The following FRMD4A variants were observed in gnomAD, a reference collection of about 807,000 sequenced individuals.
The protein encoded by FRMD4A is FERM domain-containing protein 4A.
In FRMD4A, 29 loss-of-function variants were observed where a neutral mutation model predicts 129.1. That is an observed-to-expected ratio of 0.22 (90% CI 0.17 to 0.31). The LOEUF (loss-of-function observed/expected upper bound fraction) is 0.31. FRMD4A is among the 10% of genes least tolerant of loss of function. FRMD4A has a pLI of 1.00. For missense variants in FRMD4A, 1,272 were observed against 1,375.8 expected, an observed-to-expected ratio of 0.92 and a Z score of 1.19; for synonymous variants, 634 against 571.6, an observed-to-expected ratio of 1.11 and a Z score of -1.56.
In FRMD4A at chr10:13,860,018, T is replaced by C. The variant is rs61833455; in HGVS notation, c.46-1106A>G. 2.8e-3 allele frequency among the ~76,000 whole-genome samples: 419 copies of C among 152,312 alleles called. 1 individual carries two copies. The highest frequency in any genetic ancestry group is 4.4e-3 in the Admixed American group (68 of 15,300). ...GGGGTGCTGGTGAATATTTAACAAC[T>C]GGCTTTCTGGAAGGAAAAAGCCTGA... On this transcript the variant is annotated intron_variant, in intron 2 of 24. Transcript: ENST00000357447.
intron 2 of FRMD4A, among the ~76,000 whole-genome samples, chr10:14,201,764 G>A (rs1435997358): frequency 6.6e-6 from 1 of 152,152 alleles, no homozygotes; most frequent in Non-Finnish European, 1.5e-5. Context: ...CGTAGCAAAT[G>A]ACTTTATTGT....
intron 24 of FRMD4A, among the ~76,000 whole-genome samples, chr10:13,650,697 T>G (rs1048887849): frequency 2.5e-4 from 38 of 152,180 alleles, no homozygotes; most frequent in African/African-American, 8.9e-4. Flanking sequence ...CTGTCAACTT[T>G]GCAATATTGT....
At chr10:13,969,688 C>T (rs1251293206) in intron 2 of FRMD4A, among the ~76,000 whole-genome samples, 1 of 151,970 alleles carries the variant, frequency 6.6e-6, no homozygotes, top group African/African-American at 2.4e-5. Context: ...CCCATCTCTA[C>T]AAAAAAATTC....
Position 14,330,213 on chromosome 10 carries a change from T to G in FRMD4A, c.-81-30A>C, listed in dbSNP as rs1589324099. On this transcript the variant is annotated intron_variant, in intron 1 of 24. Coordinates refer to ENST00000357447, the MANE Select transcript of FRMD4A (RefSeq NM_018027.5). ...AGAAAAAGCAGCCAAAATCCAGACT[T>G]AGGGAGCAAAAGGCTCAAGGGGAAG... is the stretch of plus-strand genomic sequence containing the variant. The G allele has an allele frequency of 3.5e-6, 4 of 1,128,380 alleles. No individual in the cohort carries two copies. In the East Asian group the frequency reaches 1.0e-4, roughly 29 times the overall value. The allele number at this position is 1,128,380 out of a possible 1,614,324, so 69.9% of individuals were successfully genotyped here.
chr10:13,832,101 T>C (rs12241162), intron 3 of FRMD4A, among the ~76,000 whole-genome samples: 29,970 of 152,036 alleles, frequency 0.2, 3,102 homozygotes, highest in Non-Finnish European at 0.23. Flanking sequence ...TGATGATCAA[T>C]TACACCAGCA....
At position 14,206,015 on chromosome 10, in the gene FRMD4A, G is replaced by A. The variant is rs192427761; in HGVS notation, c.45+124043C>T. Among the ~76,000 whole-genome samples, 5 of 152,224 alleles carry A rather than the reference G, an allele frequency of 3.3e-5. No individual in the cohort carries two copies. In the South Asian group the frequency reaches 8.3e-4, roughly 25 times the overall value. The stretch of plus-strand genomic sequence containing the variant: ...GCATATTCTGGAGGGAGCGGATTCA[G>A]ACAGAAAAGCTGGCTCTCTGCTAGT... On this transcript the variant is annotated intron_variant, in intron 2 of 24. Transcript: ENST00000357447.
intron 2 of FRMD4A, among the ~76,000 whole-genome samples, chr10:14,088,369 C>T (rs56361532): frequency 1.3e-5 from 2 of 150,260 alleles, no homozygotes; most frequent in African/African-American, 2.5e-5. Flanking sequence ...ACTGCCTGAG[C>T]GTGGGCGGCC....
Position 14,274,886 on chromosome 10 carries a change from C to T in FRMD4A, c.45+55172G>A, listed in dbSNP as rs148224144. ...TGACCCTTCCTTTTCCAGGTCCTCA[C>T]CCTTCTGCTATTTCGGTTTGGCATC... On this transcript the variant is annotated intron_variant, in intron 2 of 24. Coordinates refer to ENST00000357447, the MANE Select transcript of FRMD4A (RefSeq NM_018027.5). Among the ~76,000 whole-genome samples the T allele has an allele frequency of 7.2e-4, 110 of 152,322 alleles. 1 individual carries two copies. Among genetic ancestry groups the T allele is most frequent in the African/African-American group, 2.4e-3 (101 of 41,572 alleles).
At chr10:14,293,169 T>G (rs138171894) in intron 2 of FRMD4A, among the ~76,000 whole-genome samples, 1 of 152,348 alleles carries the variant, frequency 6.6e-6, no homozygotes, top group East Asian at 1.9e-4. Context: ...TGTGGCCTAA[T>G]AAGAGGTGAT....
rs372021567 is a variant in FRMD4A at position 14,182,298 on chromosome 10, C to T, written c.45+147760G>A. On this transcript the variant is annotated intron_variant, in intron 2 of 24. Transcript: ENST00000357447. ...CACATGCCTGGAATCCCAGTGCTTT[C>T]GGAGGCTCAGGCAATGAAATTGCTT... Among the ~76,000 whole-genome samples the T allele has an allele frequency of 1.6e-3, 237 of 152,224 alleles. 3 individuals are homozygous for T. The highest frequency in any genetic ancestry group is 5.4e-3 in the African/African-American group (226 of 41,536).
At chr10:14,125,183 A>C (rs537068673) in intron 2 of FRMD4A, among the ~76,000 whole-genome samples, 8 of 152,310 alleles carry the variant, frequency 5.3e-5, no homozygotes, top group Middle Eastern at 3.4e-3. Context: ...ACCGTCGATG[A>C]CTATGCTCTT....
At chr10:14,150,848 G>A (rs879839533) in intron 2 of FRMD4A, among the ~76,000 whole-genome samples, 2 of 152,072 alleles carry the variant, frequency 1.3e-5, no homozygotes, top group Non-Finnish European at 2.9e-5. Context: ...ACACATCAGC[G>A]CTTTTAGAAA....
intron 2 of FRMD4A, among the ~76,000 whole-genome samples, chr10:14,131,424 G>C (rs922562475): frequency 2.7e-5 from 4 of 148,314 alleles, no homozygotes; most frequent in African/African-American, 1.0e-4. Context: ...GTTGTCTCTA[G>C]GTGCTGAGTC....
At chr10:14,063,729 C>T (rs947783400) in intron 2 of FRMD4A, among the ~76,000 whole-genome samples, 6 of 151,976 alleles carry the variant, frequency 3.9e-5, no homozygotes, top group African/African-American at 1.4e-4. Context: ...CCGTTTTAAA[C>T]CACACAATCT....
At chr10:13,906,255 T>A (rs530689411) in intron 2 of FRMD4A, among the ~76,000 whole-genome samples, 2 of 152,242 alleles carry the variant, frequency 1.3e-5, no homozygotes, top group African/African-American at 2.4e-5. Flanking sequence ...GGCCTTTTTT[T>A]ATCTGTCTAT....
At chr10:13,991,891 G>T (rs1020796404) in intron 2 of FRMD4A, 1 of 152,382 alleles carries the variant, frequency 6.6e-6, no homozygotes, top group African/African-American at 2.4e-5. Context: ...AAAAAAAGAA[G>T]AAAACAATAA....
chr10:14,260,125 C>T (rs10906639), intron 2 of FRMD4A, among the ~76,000 whole-genome samples: 11,117 of 151,730 alleles, frequency 0.073, 513 homozygotes, highest in South Asian at 0.13. Flanking sequence ...GGGAGAACAT[C>T]GTGGAAAGAA....
chr10:13,858,099 A>T (rs1013847305), intron 3 of FRMD4A, among the ~76,000 whole-genome samples: 2 of 152,222 alleles, frequency 1.3e-5, no homozygotes, highest in African/African-American at 4.8e-5. Context: ...AGGACCGAGT[A>T]CAGAGATTGT....
intron 4 of FRMD4A, among the ~76,000 whole-genome samples, chr10:13,797,075 G>A (rs1446544416): frequency 6.6e-6 from 1 of 152,152 alleles, no homozygotes; most frequent in Non-Finnish European, 1.5e-5. Flanking sequence ...GATTAGGTAG[G>A]GGATACCGAG....
Sources: allele counts gnomAD v4.1 joint callset (sites outside exome capture counted in the v4.1 genomes callset), GRCh38; gene constraint gnomAD v4.1.1; transcripts MANE v1.5; gene names NCBI Gene and HGNC (gene_info 2026-07-23, HGNC 2026-07-21).